PAQR5: variants seen among roughly 807,000 people sequenced by gnomAD.
The protein encoded by PAQR5 is progestin and adipoQ receptor family member 5, also known as membrane progestin receptor gamma.
Under a neutral mutation model 34.5 loss-of-function variants are expected in PAQR5, and 20 were observed. The observed-to-expected ratio is 0.58, with a 90% CI of 0.41 to 0.84. PAQR5 has a LOEUF of 0.84. Ranked by LOEUF, PAQR5 falls within the 40% of genes least tolerant of loss-of-function variation. The pLI, the probability that PAQR5 is intolerant of heterozygous loss-of-function variation, is 0.00. For missense variants in PAQR5, 378 were observed against 412.7 expected (o/e 0.92, Z 0.73); for synonymous variants, 131 against 155.6 (o/e 0.84, Z 1.18).
chr15:69,306,174 C>T (rs7173355), intron 1 of PAQR5, among the ~76,000 whole-genome samples: 68,676 of 151,496 alleles, frequency 0.45, 16,298 homozygotes, highest in East Asian at 0.61. Context: ...GGCAGCACCA[C>T]CCAGCTGTGT....
At chr15:69,355,323 TC>T (rs1210257073) in intron 2 of PAQR5, among the ~76,000 whole-genome samples, 1,375 of 48,460 alleles carry the variant, frequency 0.028, 12 homozygotes, top group African/African-American at 0.09. Context: ...TTTCTTTCTT[TC>T]TTTCTTTCTT....
chr15:69,388,715 T>A (rs1395292402), intron 5 of PAQR5, among the ~76,000 whole-genome samples: 1 of 152,252 alleles, frequency 6.6e-6, no homozygotes, highest in Non-Finnish European at 1.5e-5. Context: ...TTTGCCTGTG[T>A]GGCCAGCTTT....
chr15:69,340,501 T>C (rs2054614851), intron 2 of PAQR5, among the ~76,000 whole-genome samples: 1 of 152,132 alleles, frequency 6.6e-6, no homozygotes, highest in Non-Finnish European at 1.5e-5. Flanking sequence ...ACTTGGGAGT[T>C]GTTTATAATC....
chr15:69,345,025 C>T (rs1157159285), intron 2 of PAQR5, among the ~76,000 whole-genome samples: 5 of 151,618 alleles, frequency 3.3e-5, no homozygotes, highest in East Asian at 1.9e-4. Context: ...ACCTGAGAGG[C>T]GGAGGTTGCA....
In PAQR5 at chr15:69,407,544, C is replaced by A. The variant is rs2056762482; in HGVS notation, c.*3722C>A. ...AGTCAACAATCCATTAAGGCAAAGACCTGTTTCCAAACTCAGATGTTCTCC... is the reference window on the plus strand; with the variant it reads ...AGTCAACAATCCATTAAGGCAAAGAACTGTTTCCAAACTCAGATGTTCTCC... On this transcript the variant is annotated 3_prime_UTR_variant, in exon 9 of 9. Transcript: ENST00000395407. The A allele has an allele frequency of 6.6e-6, 1 of 152,296 alleles. No individual in the cohort carries two copies. The highest frequency in any genetic ancestry group is 1.5e-5 in the Non-Finnish European group (1 of 68,030). 9.4% of individuals were successfully genotyped at this position (152,296 alleles called of 1,614,324 possible).
At chr15:69,350,310 A>G (rs1165121982) in intron 2 of PAQR5, among the ~76,000 whole-genome samples, 1 of 152,246 alleles carries the variant, frequency 6.6e-6, no homozygotes, top group African/African-American at 2.4e-5. Flanking sequence ...CTGTATAAGC[A>G]GACAACTTCC....
intron 1 of PAQR5, among the ~76,000 whole-genome samples, chr15:69,311,224 C>T (rs912595235): frequency 1.1e-4 from 16 of 151,552 alleles, no homozygotes; most frequent in Non-Finnish European, 1.9e-4. Context: ...GGAGGGAAGA[C>T]GGAGCTGTGT....
intron 1 of PAQR5, among the ~76,000 whole-genome samples, chr15:69,320,493 A>T (rs1255011612): frequency 6.6e-6 from 1 of 152,184 alleles, no homozygotes; most frequent in Non-Finnish European, 1.5e-5. Flanking sequence ...TAGTTATTGC[A>T]TGCTCGGGTA....
chr15:69,321,855 C>T lies in PAQR5; in HGVS notation c.-276-15486C>T, dbSNP rs183332696. ...GACAGTGTTCCTGGGCTGGGCACCACGGGCACAGCAATGACCAAGACAAGC... is the reference window on the plus strand; with the variant it reads ...GACAGTGTTCCTGGGCTGGGCACCATGGGCACAGCAATGACCAAGACAAGC... On this transcript the variant is annotated intron_variant, in intron 1 of 8. Transcript: ENST00000395407. Among the ~76,000 whole-genome samples the T allele has an allele frequency of 9.9e-4, 150 of 152,156 alleles. 1 individual carries two copies. Among genetic ancestry groups the T allele is most frequent in the South Asian group, 5.4e-3 (26 of 4,816 alleles).
chr15:69,339,318 C>T (rs755073521), intron 2 of PAQR5, among the ~76,000 whole-genome samples: 4 of 152,054 alleles, frequency 2.6e-5, no homozygotes, highest in Admixed American at 6.6e-5. Context: ...CCTGTCTTGA[C>T]GAATTGGCTC....
chr15:69,390,320 T>TTTTATTTA (rs201330461), intron 6 of PAQR5, among the ~76,000 whole-genome samples: 2,134 of 133,406 alleles, frequency 0.016, 83 homozygotes, highest in African/African-American at 0.052. Context: ...CTGACCTGTT[T>TTTTATTTA]TTTATTTATT....
At chr15:69,323,695 C>T (rs2054181504) in intron 1 of PAQR5, among the ~76,000 whole-genome samples, 1 of 152,072 alleles carries the variant, frequency 6.6e-6, no homozygotes, top group South Asian at 2.1e-4. Flanking sequence ...GTGGGCAAAC[C>T]CTGTTGTTAC....
intron 2 of PAQR5, among the ~76,000 whole-genome samples, chr15:69,355,327 TC>T (rs1186209579): frequency 0.13 from 8,091 of 60,894 alleles, 234 homozygotes; most frequent in African/African-American, 0.16. Flanking sequence ...TTTCTTTCTT[TC>T]TTTCTTTCTT....
At chr15:69,356,287 T>A (rs1435918328) in intron 2 of PAQR5, among the ~76,000 whole-genome samples, 1 of 152,218 alleles carries the variant, frequency 6.6e-6, no homozygotes, top group African/African-American at 2.4e-5. Context: ...TTGGTGGTGC[T>A]TCTATGAGTG....
intron 8 of PAQR5, among the ~76,000 whole-genome samples, chr15:69,400,494 C>G (rs2056592260): frequency 6.6e-6 from 1 of 152,106 alleles, no homozygotes; most frequent in African/African-American, 2.4e-5. Context: ...GTGCTCAAGA[C>G]AATCCTGAGC....
chr15:69,393,672 C>G (rs1189955361), intron 6 of PAQR5, among the ~76,000 whole-genome samples: 1 of 152,134 alleles, frequency 6.6e-6, no homozygotes, highest in Non-Finnish European at 1.5e-5. Flanking sequence ...CCTTCCCCTC[C>G]AGGGAGGGGA....
intron 1 of PAQR5, among the ~76,000 whole-genome samples, chr15:69,308,235 T>A (rs976153477): frequency 3.3e-5 from 5 of 152,150 alleles, no homozygotes; most frequent in Non-Finnish European, 5.9e-5. Context: ...GCATGCTTGG[T>A]TTGGGCACTG....
At chr15:69,332,968 G>C (rs2054420844) in intron 1 of PAQR5, among the ~76,000 whole-genome samples, 1 of 151,916 alleles carries the variant, frequency 6.6e-6, no homozygotes, top group Non-Finnish European at 1.5e-5. Flanking sequence ...AATTTAAAAG[G>C]ATATTTTTTA....
At chr15:69,320,181 G>A (rs1474647665) in intron 1 of PAQR5, among the ~76,000 whole-genome samples, 3 of 152,348 alleles carry the variant, frequency 2.0e-5, no homozygotes, top group African/African-American at 7.2e-5. Flanking sequence ...ACCCACCCTG[G>A]AGGCCAACTA....
Sources: gnomAD v4.1 joint callset for allele counts (sites outside exome capture counted in the v4.1 genomes callset) on GRCh38, gnomAD v4.1.1 for gene constraint, MANE v1.5 for transcripts, NCBI Gene and HGNC (gene_info 2026-07-23, HGNC 2026-07-21) for gene names.